NRG1: variants seen among roughly 807,000 people sequenced by gnomAD.
The protein encoded by NRG1 is pro-neuregulin-1, membrane-bound isoform.
Under a neutral mutation model 63.8 loss-of-function variants are expected in NRG1, and 18 were observed. The observed-to-expected ratio is 0.28, with a 90% CI of 0.19 to 0.42. The LOEUF is 0.42. NRG1 is among the 10% of genes least tolerant of loss of function. The pLI is 1.00. For synonymous variants in NRG1, 302 were observed against 301.3 expected (o/e 1.00, Z -0.02); for missense variants, 762 against 814.7 (o/e 0.94, Z 0.79).
At chr8:31,965,084 C>T (rs1806096883) in intron 1 of NRG1, among the ~76,000 whole-genome samples, 1 of 152,272 alleles carries the variant, frequency 6.6e-6, no homozygotes, top group Admixed American at 6.5e-5. Context: ...TAACATCTTT[C>T]CAGTTCCCAG....
intron 1 of NRG1, among the ~76,000 whole-genome samples, chr8:32,280,671 C>T (rs1167325833): frequency 1.6e-4 from 17 of 104,832 alleles, no homozygotes; most frequent in Non-Finnish European, 1.3e-4. Flanking sequence ...TTTCATGCAA[C>T]TGAATTAGGT....
chr8:31,831,262 C>T (rs112586573), intron 1 of NRG1, among the ~76,000 whole-genome samples: 204 of 152,022 alleles, frequency 1.3e-3, no homozygotes, highest in Admixed American at 2.7e-3. Context: ...CCACCATGCC[C>T]GGCTAATTTT....
At chr8:31,806,369 G>A (rs1406031010) in intron 1 of NRG1, among the ~76,000 whole-genome samples, 20 of 151,928 alleles carry the variant, frequency 1.3e-4, no homozygotes, top group Non-Finnish European at 1.5e-5. Flanking sequence ...GTTCACTTAT[G>A]AGCTAATATT....
chr8:31,983,156 A>G (rs1326515936), intron 1 of NRG1, among the ~76,000 whole-genome samples: 2 of 152,144 alleles, frequency 1.3e-5, no homozygotes, highest in Non-Finnish European at 2.9e-5. Context: ...AATGTCATAT[A>G]TATCATAGCC....
chr8:32,015,026 C>T lies in NRG1; in HGVS notation c.37+375595C>T, dbSNP rs569763764. Among the ~76,000 whole-genome samples the T allele has an allele frequency of 8.0e-4, 122 of 152,150 alleles. 1 individual carries two copies. Among genetic ancestry groups the T allele is most frequent in the African/African-American group, 2.8e-3 (117 of 41,518 alleles). ...CTCACAGCATGCAAAAGGAACGAAC[C>T]CTGCCAACACCTTGATTTCAGACTT... On this transcript the variant is annotated intron_variant, in intron 1 of 10. Coordinates refer to the NRG1 transcript ENST00000519301.
chr8:32,536,162 T>C (rs1831945084), intron 1 of NRG1, among the ~76,000 whole-genome samples: 1 of 152,190 alleles, frequency 6.6e-6, no homozygotes, highest in Non-Finnish European at 1.5e-5. Flanking sequence ...GTCCTGTTCT[T>C]AGGGTCTCAC....
chr8:31,761,003 G>A lies in NRG1; in HGVS notation c.37+121572G>A, dbSNP rs866658124. ...TGCTGCTATAAAGACACATGCACAC[G>A]TATGTTTATTGCGGCACTATTCACA... On this transcript the variant is annotated intron_variant, in intron 1 of 10. Transcript: ENST00000519301. 3.8e-3 allele frequency among the ~76,000 whole-genome samples: 585 copies of A among 152,200 alleles called. 1 individual carries two copies. The highest frequency in any genetic ancestry group is 0.02 in the Middle Eastern group (6 of 294).
chr8:31,709,294 T>G (rs1202408422), intron 1 of NRG1, among the ~76,000 whole-genome samples: 1 of 151,944 alleles, frequency 6.6e-6, no homozygotes, highest in Non-Finnish European at 1.5e-5. Context: ...ATATTAATGG[T>G]TTTACAATAT....
In NRG1 at chr8:31,916,874, C is replaced by T. The variant is rs551248947; in HGVS notation, c.37+277443C>T. Among the ~76,000 whole-genome samples the T allele has an allele frequency of 4.6e-5, 7 of 151,532 alleles. No individual in the cohort carries two copies. In the South Asian group the frequency reaches 1.5e-3, roughly 32 times the overall value. On this transcript the variant is annotated intron_variant, in intron 1 of 10. Transcript: ENST00000519301. ...CATCCTCTCCAGCACCTGTTCTTTC[C>T]TGACTTTTTAATGATTGCCATTGTA...
chr8:32,565,573 G>A (rs887705895), intron 1 of NRG1, among the ~76,000 whole-genome samples: 5 of 151,978 alleles, frequency 3.3e-5, no homozygotes, highest in African/African-American at 1.2e-4. Flanking sequence ...AGCTATGTGC[G>A]GTCTGCTGCC....
rs549454825 is a variant in NRG1, at chr8:32,480,007, A to G, written c.38-115821A>G. 2.0e-5 allele frequency among the ~76,000 whole-genome samples: 3 copies of G among 152,256 alleles called. No individual in the cohort carries two copies. The East Asian group carries it at 5.8e-4, about 29-fold the overall frequency. ...TATATATCTTCTTTAGGATCACTTA[A>G]AGACCCATACAGATCTGTCAAATAG... On this transcript the variant is annotated intron_variant, in intron 1 of 10. Transcript: ENST00000519301.
chr8:32,239,045 A>G (rs1847848213), intron 1 of NRG1, among the ~76,000 whole-genome samples: 2 of 152,214 alleles, frequency 1.3e-5, no homozygotes, highest in South Asian at 4.1e-4. Flanking sequence ...CTTGTTAGCT[A>G]TGTGGCCAGA....
At chr8:31,750,526 T>G (rs1465682375) in intron 1 of NRG1, among the ~76,000 whole-genome samples, 4 of 151,958 alleles carry the variant, frequency 2.6e-5, no homozygotes, top group Admixed American at 2.0e-4. Flanking sequence ...AAATAAATTC[T>G]AAAACTCAAG....
chr8:32,425,242 A>G (rs1817214631), intron 1 of NRG1, among the ~76,000 whole-genome samples: 1 of 152,222 alleles, frequency 6.6e-6, no homozygotes, highest in Admixed American at 6.5e-5. Flanking sequence ...GCCAATATCC[A>G]TAGAACAAAT....
At chr8:31,665,949 C>G (rs1377790759) in intron 1 of NRG1, among the ~76,000 whole-genome samples, 1 of 152,094 alleles carries the variant, frequency 6.6e-6, no homozygotes, top group Non-Finnish European at 1.5e-5. Flanking sequence ...ATTTTCTTAT[C>G]GTCTTTTTGC....
chr8:32,090,950 G>T (rs1829039457), intron 1 of NRG1, among the ~76,000 whole-genome samples: 1 of 152,116 alleles, frequency 6.6e-6, no homozygotes, highest in Admixed American at 6.6e-5. Flanking sequence ...TCATGCTAAA[G>T]ATCAGGCAGT....
At chr8:32,343,768 C>T (rs140927734) in intron 1 of NRG1, among the ~76,000 whole-genome samples, 153 of 152,280 alleles carry the variant, frequency 1.0e-3, no homozygotes, top group African/African-American at 3.5e-3. Flanking sequence ...AATTGTTTAG[C>T]ACCTCATTGT....
chr8:32,548,857 A>ATCC (rs2129523357), intron 1 of NRG1, 31 bp downstream of exon 1: 1 of 1,535,392 alleles, frequency 6.5e-7, no homozygotes, highest in East Asian at 2.5e-5. Flanking sequence ...GGGCCCCACG[A>ATCC]TCCTCCTCCT....
At chr8:32,689,759 A>G (rs1472147019) in intron 5 of NRG1, among the ~76,000 whole-genome samples, 1 of 152,142 alleles carries the variant, frequency 6.6e-6, no homozygotes, top group Non-Finnish European at 1.5e-5. Flanking sequence ...TCATTTACCT[A>G]CTAGCTGATT....
Sources: allele counts gnomAD v4.1 joint callset (sites outside exome capture counted in the v4.1 genomes callset), GRCh38; gene constraint gnomAD v4.1.1; transcripts MANE v1.5; gene names NCBI Gene and HGNC (gene_info 2026-07-23, HGNC 2026-07-21).